R3HDM1: variants seen among roughly 807,000 people sequenced by gnomAD.
The protein encoded by R3HDM1 is R3H domain-containing protein 1.
Under a neutral mutation model 141.1 loss-of-function variants are expected in R3HDM1, and 46 were observed. The ratio of observed to expected loss-of-function variants is 0.33; its 90% CI spans 0.26 to 0.42. The LOEUF is 0.42. R3HDM1 is among the 10% of genes least tolerant of loss of function. R3HDM1 has a pLI of 1.00. For missense variants in R3HDM1, 1,184 were observed against 1,368.3 expected, an observed-to-expected ratio of 0.87 and a Z score of 2.12; for synonymous variants, 435 against 472.9, an observed-to-expected ratio of 0.92 and a Z score of 1.04.
At chr2:135,618,671 A>T (rs1453460363) in intron 5 of R3HDM1, among the ~76,000 whole-genome samples, 6 of 152,146 alleles carry the variant, frequency 3.9e-5, no homozygotes, top group African/African-American at 1.4e-4. Context: ...GAAGAGCTAT[A>T]TAATACAGTC....
intron 1 of R3HDM1, among the ~76,000 whole-genome samples, chr2:135,573,019 C>A (rs775036318): frequency 6.6e-6 from 1 of 151,954 alleles, no homozygotes; most frequent in African/African-American, 2.4e-5. Context: ...AATTAGGAGG[C>A]AATAGCTAAA....
At chr2:135,564,680 C>T (rs1221858563) in intron 1 of R3HDM1, among the ~76,000 whole-genome samples, 3 of 152,154 alleles carry the variant, frequency 2.0e-5, no homozygotes, top group African/African-American at 7.2e-5. Context: ...CAAAGTGTCA[C>T]ATTTCCCATA....
chr2:135,690,511 G>T (rs2072175652), intron 21 of R3HDM1, among the ~76,000 whole-genome samples: 1 of 152,088 alleles, frequency 6.6e-6, no homozygotes, highest in South Asian at 2.1e-4. Context: ...ACACCAATAA[G>T]AATATGTTTT....
At chr2:135,636,063 C>T (rs1476437420) in intron 10 of R3HDM1, 25 bp from the exon 11 acceptor site, 2 of 1,610,468 alleles carry the variant, frequency 1.2e-6, no homozygotes, top group East Asian at 2.2e-5. Flanking sequence ...GTTCATTTGC[C>T]TAAAAATTAT....
intron 1 of R3HDM1, among the ~76,000 whole-genome samples, chr2:135,538,035 T>C (rs1469988366): frequency 1.3e-5 from 2 of 152,118 alleles, no homozygotes; most frequent in Admixed American, 1.3e-4. Context: ...TTCTGAGAAA[T>C]GTGTCATTAG....
chr2:135,715,460 T>G, intron 23 of R3HDM1, 90 bp from the exon 24 acceptor site: 2 of 1,367,644 alleles, frequency 1.5e-6, no homozygotes, highest in Non-Finnish European at 2.0e-6. Context: ...TTGAATTATT[T>G]TCTAACAAGT....
At chr2:135,617,211 C>T (rs562819089) in intron 5 of R3HDM1, among the ~76,000 whole-genome samples, 1 of 152,024 alleles carries the variant, frequency 6.6e-6, no homozygotes, top group South Asian at 2.1e-4. Context: ...CCTGTAGTCC[C>T]AGCTACTCGG....
intron 3 of R3HDM1, chr2:135,607,296 G>A (rs1042428106): frequency 1.0e-6 from 1 of 985,122 alleles, no homozygotes; most frequent in African/African-American, 1.7e-5. Flanking sequence ...CAAGAAACCT[G>A]TTTTTAAAGG....
At position 135,535,328 on chromosome 2, in the gene R3HDM1, A is replaced by C. The variant is rs1408136170; in HGVS notation, c.-250+3695A>C. 5.3e-5 allele frequency among the ~76,000 whole-genome samples: 8 copies of C among 151,986 alleles called. No homozygotes were observed. In the East Asian group the frequency reaches 1.4e-3, roughly 26 times the overall value. On this transcript the variant is annotated intron_variant, in intron 1 of 26. Coordinates refer to ENST00000683871, the MANE Select transcript of R3HDM1 (RefSeq NM_001378107.1). Reference sequence around the variant, plus strand: ...AGCCTGGCCAGTATGGTGAAACCCTATCTCTACTAAAAATACAAAAATTAG... The same window carrying C: ...AGCCTGGCCAGTATGGTGAAACCCTCTCTCTACTAAAAATACAAAAATTAG...
chr2:135,645,595 A>C (rs1574650593), intron 16 of R3HDM1, 68 bp downstream of exon 16: 2 of 1,529,338 alleles, frequency 1.3e-6, no homozygotes, highest in African/African-American at 2.7e-5. Flanking sequence ...TAAATTCGCT[A>C]ATTATAATTG....
chr2:135,564,710 AG>A lies in R3HDM1; in HGVS notation c.-250+33078del, dbSNP rs1702409501. Among the ~76,000 whole-genome samples the A allele has an allele frequency of 3.9e-5, 6 of 152,320 alleles. No homozygotes were observed. The South Asian group carries it at 1.2e-3, about 32-fold the overall frequency. ...CCCATATGTGTAGGTCCTAGCACAT[AG>A]ATTTTCTTTATATTTTTATAAATAA... On this transcript the variant is annotated intron_variant, in intron 1 of 26. Transcript: ENST00000683871.
At chr2:135,538,920 T>C (rs1383685893) in intron 1 of R3HDM1, among the ~76,000 whole-genome samples, 1 of 135,798 alleles carries the variant, frequency 7.4e-6, no homozygotes, top group African/African-American at 3.6e-5. Flanking sequence ...GGCTTAAAAG[T>C]TTTTGTTGTT....
chr2:135,611,665 T>C (rs971970314), intron 3 of R3HDM1, among the ~76,000 whole-genome samples: 18 of 152,330 alleles, frequency 1.2e-4, no homozygotes, highest in African/African-American at 4.1e-4. Flanking sequence ...TTATTGTTTT[T>C]TATTAATATT....
intron 20 of R3HDM1, among the ~76,000 whole-genome samples, chr2:135,679,309 C>T (rs2069804033): frequency 6.6e-6 from 1 of 152,068 alleles, no homozygotes; most frequent in African/African-American, 2.4e-5. Context: ...ACACTGTTTA[C>T]TGAATGCCTA....
At chr2:135,717,180 GT>G (rs2076249372) in intron 24 of R3HDM1, among the ~76,000 whole-genome samples, 1 of 151,986 alleles carries the variant, frequency 6.6e-6, no homozygotes, top group South Asian at 2.1e-4. Context: ...AACACCAAAT[GT>G]TAGTAAAGAA....
chr2:135,603,949 G>C (rs1017790027), intron 2 of R3HDM1, among the ~76,000 whole-genome samples: 2 of 152,150 alleles, frequency 1.3e-5, no homozygotes, highest in Non-Finnish European at 2.9e-5. Flanking sequence ...CTTAAAATGA[G>C]TGCTATCTTT....
chr2:135,575,162 T>C (rs1295046177), intron 1 of R3HDM1, among the ~76,000 whole-genome samples: 3 of 152,252 alleles, frequency 2.0e-5, no homozygotes, highest in Middle Eastern at 3.4e-3. Flanking sequence ...GCAATGAAAA[T>C]AATGAAGAAA....
chr2:135,626,172 ACTG>A (rs2061999812), intron 7 of R3HDM1, among the ~76,000 whole-genome samples: 2 of 145,744 alleles, frequency 1.4e-5, no homozygotes, highest in African/African-American at 5.2e-5. Flanking sequence ...CCACTGTAGA[ACTG>A]CTTGCTTGCG....
intron 21 of R3HDM1, among the ~76,000 whole-genome samples, chr2:135,706,650 C>A (rs1293944264): frequency 1.3e-5 from 2 of 152,044 alleles, no homozygotes; most frequent in Non-Finnish European, 2.9e-5. Context: ...TCCATTTAAC[C>A]CTGAGTGGAC....
Sources: allele counts gnomAD v4.1 joint callset (sites outside exome capture counted in the v4.1 genomes callset), GRCh38; gene constraint gnomAD v4.1.1; transcripts MANE v1.5; gene names NCBI Gene and HGNC (gene_info 2026-07-23, HGNC 2026-07-21).